The following REDIC1 variants were observed in gnomAD, a reference collection of about 807,000 sequenced individuals.
The protein encoded by REDIC1 is regulator of DNA class I crossover intermediates 1, also known as HEI10 Interacting Protein 1.
the REDIC1 span, among the ~76,000 whole-genome samples, chr12:39,831,108 A>C: frequency 1.3e-5 from 2 of 152,184 alleles, no homozygotes; most frequent in Admixed American, 6.6e-5. Flanking sequence ...AGCACATGCA[A>C]GGTATCAGAG....
chr12:39,754,691 A>G, the REDIC1 span, among the ~76,000 whole-genome samples: 2 of 152,092 alleles, frequency 1.3e-5, no homozygotes, highest in East Asian at 3.9e-4. Flanking sequence ...AACCACCACC[A>G]AAGATAATTT....
the REDIC1 span, among the ~76,000 whole-genome samples, chr12:39,843,575 G>T: frequency 6.6e-6 from 1 of 152,008 alleles, no homozygotes; most frequent in African/African-American, 2.4e-5. Context: ...GAAGTTAGGG[G>T]TAGCCAAGTG....
At chr12:39,699,620 G>A in the REDIC1 span, among the ~76,000 whole-genome samples, 1 of 152,170 alleles carries the variant, frequency 6.6e-6, no homozygotes, top group Non-Finnish European at 1.5e-5. Flanking sequence ...AGGCCTGCCT[G>A]CCTCTGTAGG....
the REDIC1 span, among the ~76,000 whole-genome samples, chr12:39,782,166 T>A: frequency 6.6e-6 from 1 of 152,206 alleles, no homozygotes; most frequent in South Asian, 2.1e-4. Flanking sequence ...TGCTATGCTT[T>A]TATTACAAAG....
the REDIC1 span, among the ~76,000 whole-genome samples, chr12:39,767,589 CTTCTTCCAA>C: frequency 2.0e-5 from 3 of 152,040 alleles, no homozygotes; most frequent in African/African-American, 7.2e-5. Context: ...TGGATGGTAT[CTTCTTCCAA>C]CAGAAGGCAG....
At chr12:39,683,238 G>A in the REDIC1 span, 1 of 1,280,626 alleles carries the variant, frequency 7.8e-7, no homozygotes, top group Non-Finnish European at 1.1e-6. Flanking sequence ...CTATATATTT[G>A]TATGTGTGTT....
the REDIC1 span, among the ~76,000 whole-genome samples, chr12:39,878,550 T>C: frequency 2.6e-5 from 4 of 152,220 alleles, no homozygotes; most frequent in South Asian, 2.1e-4. Flanking sequence ...GAGCTTGAGA[T>C]TGATTACTAC....
chr12:39,721,667 T>C, the REDIC1 span: 2 of 156,434 alleles, frequency 1.3e-5, no homozygotes, highest in African/African-American at 4.8e-5. Flanking sequence ...ATATTTAAGA[T>C]AGAAAATAAT....
chr12:39,856,470 G>A, the REDIC1 span, among the ~76,000 whole-genome samples: 1 of 152,192 alleles, frequency 6.6e-6, no homozygotes, highest in Non-Finnish European at 1.5e-5. Flanking sequence ...CCGGGCTCAA[G>A]CGTTTCTCCT....
At chr12:39,673,544 T>A in the REDIC1 span, among the ~76,000 whole-genome samples, 2 of 152,224 alleles carry the variant, frequency 1.3e-5, no homozygotes, top group African/African-American at 4.8e-5. Flanking sequence ...CCCTAGGTCA[T>A]AAGTTTTCTT....
At chr12:39,862,141 G>T in the REDIC1 span, among the ~76,000 whole-genome samples, 839 of 152,230 alleles carry the variant, frequency 5.5e-3, 5 homozygotes, top group Non-Finnish European at 7.9e-3. Context: ...CCAGAGAATT[G>T]AATCAGGCCT....
the REDIC1 span, among the ~76,000 whole-genome samples, chr12:39,740,980 T>TTATTA: frequency 4.8e-5 from 7 of 146,412 alleles, no homozygotes; most frequent in African/African-American, 1.7e-4. Flanking sequence ...TATTATTATT[T>TTATTA]TTTTGAGATG....
the REDIC1 span, chr12:39,864,885 T>TAAAAAAA: frequency 8.0e-7 from 1 of 1,253,742 alleles, no homozygotes; most frequent in South Asian, 1.5e-5. Flanking sequence ...GGTGGTACCT[T>TAAAAAAA]AAAAAAAAAA....
the REDIC1 span, among the ~76,000 whole-genome samples, chr12:39,732,481 A>G: frequency 1.3e-5 from 2 of 152,186 alleles, no homozygotes; most frequent in African/African-American, 2.4e-5. Flanking sequence ...TTCAATGTCT[A>G]GATCCAGTAA....
chr12:39,648,251 A>G, the REDIC1 span, among the ~76,000 whole-genome samples: 1 of 152,090 alleles, frequency 6.6e-6, no homozygotes, highest in Non-Finnish European at 1.5e-5. Context: ...AAAGTAGTTC[A>G]GTGTGTTATA....
At chr12:39,627,872 C>CA in the REDIC1 span, among the ~76,000 whole-genome samples, 3 of 151,576 alleles carry the variant, frequency 2.0e-5, no homozygotes, top group East Asian at 5.8e-4. Flanking sequence ...GGGGATTTTA[C>CA]AAAAAAAGAG....
chr12:39,768,627 G>T, the REDIC1 span, among the ~76,000 whole-genome samples: 3 of 152,088 alleles, frequency 2.0e-5, no homozygotes, highest in African/African-American at 4.8e-5. Flanking sequence ...CAGCTGGTTG[G>T]TGGAGTGGTC....
the REDIC1 span, among the ~76,000 whole-genome samples, chr12:39,691,035 G>T: frequency 6.6e-6 from 1 of 152,168 alleles, no homozygotes; most frequent in East Asian, 1.9e-4. Context: ...AGATAGAGGG[G>T]TTAGGGAAGG....
the REDIC1 span, among the ~76,000 whole-genome samples, chr12:39,694,723 C>T: frequency 7.0e-6 from 1 of 143,642 alleles, no homozygotes; most frequent in Non-Finnish European, 1.5e-5. Flanking sequence ...GGCCCAGAGA[C>T]CGTGGACTGG....
Sources: gnomAD v4.1 joint callset for allele counts (sites outside exome capture counted in the v4.1 genomes callset) on GRCh38, gnomAD v4.1.1 for gene constraint, MANE v1.5 for transcripts, NCBI Gene and HGNC (gene_info 2026-07-23, HGNC 2026-07-21) for gene names.